ST6GALNAC5: variants seen among roughly 807,000 people sequenced by gnomAD.
ST6GALNAC5 encodes the protein alpha-N-acetylgalactosaminide alpha-2,6-sialyltransferase 5.
ST6GALNAC5 carries 27 observed loss-of-function variants against 33.6 expected under a neutral mutation model. The ratio of observed to expected loss-of-function variants is 0.80; its 90% CI spans 0.59 to 1.11. The LOEUF (loss-of-function observed/expected upper bound fraction) is 1.11. Ranked by LOEUF, ST6GALNAC5 falls within the 50% of genes least tolerant of loss-of-function variation. The pLI, the probability that ST6GALNAC5 is intolerant of heterozygous loss-of-function variation, is 0.00. For synonymous variants in ST6GALNAC5, 194 were observed against 171.2 expected (o/e 1.13, Z -1.04); for missense variants, 428 against 454.0 (o/e 0.94, Z 0.52).
intron 2 of ST6GALNAC5, among the ~76,000 whole-genome samples, chr1:76,916,469 T>C (rs1191327510): frequency 6.6e-6 from 1 of 152,180 alleles, no homozygotes; most frequent in Non-Finnish European, 1.5e-5. Flanking sequence ...CAAAAAATTT[T>C]CTCCTCCAGT....
At position 77,063,532 on chromosome 1, in the gene ST6GALNAC5, C is replaced by T. The variant is rs1055119263; in HGVS notation, c.*326C>T. 2 of 321,920 alleles carry T rather than the reference C, an allele frequency of 6.2e-6. No homozygotes were observed. Among genetic ancestry groups the T allele is most frequent in the Non-Finnish European group, 1.2e-5 (2 of 169,984 alleles). The allele number at this position is 321,920 out of a possible 1,614,324, so 19.9% of individuals were successfully genotyped here. On this transcript the variant is annotated 3_prime_UTR_variant, in exon 5 of 5. Transcript: ENST00000477717. ...TGAAACTGCAACATAAGCAACTCAA[C>T]AATATTAGTTGCATTCCTTTATAGA... is the stretch of plus-strand genomic sequence containing the variant.
Position 76,868,699 on chromosome 1 carries a change from G to A in ST6GALNAC5, c.218G>A (p.Gly73Glu). The A allele has an allele frequency of 6.5e-7, 1 of 1,537,676 alleles. No homozygotes were observed. Among genetic ancestry groups the A allele is most frequent in the South Asian group, 1.2e-5 (1 of 82,658 alleles). The change falls in exon 2 of 5, where the codon GGA becomes GAA. Residue 73 changes from glycine (G) to glutamate (E), a missense_variant. Transcript: ENST00000477717. This position sits in a 1 kb window ranked among gnomAD's most constrained non-coding sequence, Gnocchi z 4.3. ...CAGCAGCGCCCCGGGGTCCCCGCGG[G>A]ACCGCGGCCACTGGACGGATACCTC... ...STQQRPGVPA[G>E]PRPLDGYLGV... is the part of the protein sequence containing the mutation.
At chr1:76,932,381 C>T (rs1016615691) in intron 2 of ST6GALNAC5, among the ~76,000 whole-genome samples, 7 of 152,072 alleles carry the variant, frequency 4.6e-5, no homozygotes, top group Admixed American at 6.6e-5. Flanking sequence ...GAAGTAGATG[C>T]GTCACAGGTG....
chr1:76,930,731 C>T (rs1357785452), intron 2 of ST6GALNAC5, among the ~76,000 whole-genome samples: 1 of 152,102 alleles, frequency 6.6e-6, no homozygotes, highest in Admixed American at 6.6e-5. Context: ...AGAGTGGATT[C>T]TTTGGATCCA....
chr1:76,911,941 T>G (rs1646918355), intron 2 of ST6GALNAC5, among the ~76,000 whole-genome samples: 1 of 152,158 alleles, frequency 6.6e-6, no homozygotes, highest in Admixed American at 6.6e-5. Flanking sequence ...CTGCTCTGAT[T>G]TTAGTCATTT....
rs578198836 is a variant in ST6GALNAC5, at chr1:76,913,115, TG to T, written c.261+44375del. ...AGGAGCTCTTTTAGGGCAGGCCTGG[TG>T]GTGACAAAATCTCTCAGCATTTGCT... On this transcript the variant is annotated intron_variant, in intron 2 of 4. Coordinates refer to ENST00000477717, the MANE Select transcript of ST6GALNAC5 (RefSeq NM_030965.3). 8.9e-4 allele frequency among the ~76,000 whole-genome samples: 136 copies of T among 152,116 alleles called. No homozygotes were observed. In the East Asian group the frequency reaches 0.026, roughly 29 times the overall value.
At position 77,052,373 on chromosome 1, in the gene ST6GALNAC5, C is replaced by G. The variant is rs528896082; in HGVS notation, c.779+2008C>G. 1.1e-4 allele frequency among the ~76,000 whole-genome samples: 16 copies of G among 152,276 alleles called. 1 individual carries two copies. Among genetic ancestry groups the G allele is most frequent in the Admixed American group, 9.2e-4 (14 of 15,298 alleles). On this transcript the variant is annotated intron_variant, in intron 4 of 4. Transcript: ENST00000477717. ...TTCCAGGACATGTTGACTGGACCAC[C>G]AGGCATCCAGTTTCGACTTGTTGGG...
intron 2 of ST6GALNAC5, among the ~76,000 whole-genome samples, chr1:76,933,627 G>A (rs373120409): frequency 1.1e-4 from 16 of 151,762 alleles, no homozygotes; most frequent in African/African-American, 3.9e-4. Context: ...CATAAATGGC[G>A]TAAGAACTGC....
intron 4 of ST6GALNAC5, among the ~76,000 whole-genome samples, chr1:77,056,926 A>G (rs1360231578): frequency 6.6e-6 from 1 of 152,208 alleles, no homozygotes; most frequent in Non-Finnish European, 1.5e-5. Flanking sequence ...AGGCAGCAGA[A>G]TAAGGGTGGC....
In ST6GALNAC5 at chr1:77,062,956, T is replaced by C; in HGVS notation, c.780-19T>C. On this transcript the variant is annotated intron_variant, in intron 4 of 4. Transcript: ENST00000477717. Reference sequence around the variant, plus strand: ...AAAATTTTTTTGCTTTAATCAGTTATCTCAATTTCCTCCTACAGGGATCCC... The same window carrying C: ...AAAATTTTTTTGCTTTAATCAGTTACCTCAATTTCCTCCTACAGGGATCCC... 6 of 1,602,206 alleles carry C rather than the reference T, an allele frequency of 3.7e-6. No homozygotes were observed. The highest frequency in any genetic ancestry group is 5.1e-6 in the Non-Finnish European group (6 of 1,170,802).
chr1:76,997,196 A>C (rs1649971658), intron 2 of ST6GALNAC5, among the ~76,000 whole-genome samples: 2 of 152,188 alleles, frequency 1.3e-5, no homozygotes, highest in African/African-American at 4.8e-5. Context: ...TTGAGTAGAA[A>C]CTTGGGAAGT....
chr1:76,902,930 C>A (rs1646832178), intron 2 of ST6GALNAC5, among the ~76,000 whole-genome samples: 1 of 152,070 alleles, frequency 6.6e-6, no homozygotes, highest in Admixed American at 6.6e-5. Flanking sequence ...ACATATAAAT[C>A]TATTAAACTC....
intron 2 of ST6GALNAC5, among the ~76,000 whole-genome samples, chr1:76,914,494 T>C (rs1003930805): frequency 3.3e-5 from 5 of 152,148 alleles, no homozygotes; most frequent in Admixed American, 2.0e-4. Context: ...AAAACAGAGA[T>C]ATAGATCAAT....
intron 2 of ST6GALNAC5, among the ~76,000 whole-genome samples, chr1:77,032,832 C>T (rs1479226151): frequency 6.6e-6 from 1 of 152,150 alleles, no homozygotes; most frequent in African/African-American, 2.4e-5. Flanking sequence ...ACTCCAAGTT[C>T]TCATAATTCT....
chr1:76,963,783 A>T (rs1933391), intron 2 of ST6GALNAC5, among the ~76,000 whole-genome samples: 1 of 151,962 alleles, frequency 6.6e-6, no homozygotes, highest in Admixed American at 6.6e-5. Context: ...ATAATTTACC[A>T]CGACTTACTA....
At chr1:76,887,031 T>C (rs563376875) in intron 2 of ST6GALNAC5, among the ~76,000 whole-genome samples, 3 of 152,326 alleles carry the variant, frequency 2.0e-5, no homozygotes, top group South Asian at 4.1e-4. Flanking sequence ...CCCATTCATT[T>C]TGTAAAGTAA....
At chr1:76,883,301 G>A (rs1653824907) in intron 2 of ST6GALNAC5, among the ~76,000 whole-genome samples, 1 of 152,148 alleles carries the variant, frequency 6.6e-6, no homozygotes, top group African/African-American at 2.4e-5. Context: ...CCCTGACTAG[G>A]TTTTACCTTT....
At chr1:76,980,578 T>C (rs1052657208) in intron 2 of ST6GALNAC5, among the ~76,000 whole-genome samples, 7 of 152,156 alleles carry the variant, frequency 4.6e-5, no homozygotes, top group African/African-American at 1.7e-4. Context: ...ACTGGATGTG[T>C]CAAAAACAGA....
intron 2 of ST6GALNAC5, among the ~76,000 whole-genome samples, chr1:76,990,362 C>T (rs893570074): frequency 1.3e-5 from 2 of 152,180 alleles, no homozygotes; most frequent in African/African-American, 4.8e-5. Flanking sequence ...TTTTCCACTA[C>T]AGAATTGATG....
Sources: allele counts gnomAD v4.1 joint callset (sites outside exome capture counted in the v4.1 genomes callset), GRCh38; gene constraint gnomAD v4.1.1; non-coding constraint Gnocchi (gnomAD v3.1); transcripts MANE v1.5; gene names NCBI Gene and HGNC (gene_info 2026-07-23, HGNC 2026-07-21).